Variants in ABCC9 observed in about 807,000 individuals in gnomAD.
ABCC9 encodes ATP binding cassette subfamily C member 9, also known as ATP-binding cassette sub-family C member 9.
In ABCC9, 95 loss-of-function variants were observed where a neutral mutation model predicts 188.3. The ratio of observed to expected loss-of-function variants is 0.50; its 90% CI spans 0.43 to 0.60. The LOEUF is 0.60. Ranked by LOEUF, ABCC9 falls within the 20% of genes least tolerant of loss-of-function variation. The pLI, the probability that ABCC9 is intolerant of heterozygous loss-of-function variation, is 0.00. For missense variants in ABCC9, 1,102 were observed against 1,876.3 expected, an observed-to-expected ratio of 0.59 and a Z score of 7.62; for synonymous variants, 659 against 652.7, an observed-to-expected ratio of 1.01 and a Z score of -0.15.
At chr12:21,915,514 A>ATATATATATATATTTTTTTTTTTTTTTT in intron 7 of ABCC9, among the ~76,000 whole-genome samples, 154 bp downstream of exon 7, 2 of 3,522 alleles carry the variant, frequency 5.7e-4, no homozygotes, top group African/African-American at 2.2e-3. Context: ...ATATATATAT[A>ATATATATATATATTTTTTTTTTTTTTTT]TTTTTTTTTT....
intron 31 of ABCC9, among the ~76,000 whole-genome samples, chr12:21,825,704 G>A (rs1363910234): frequency 6.6e-6 from 1 of 152,090 alleles, no homozygotes; most frequent in Admixed American, 6.6e-5. Flanking sequence ...ATCACGGGTT[G>A]ATGGGTGCAG....
chr12:21,824,305 G>A (rs1943235795), intron 31 of ABCC9, among the ~76,000 whole-genome samples: 3 of 152,076 alleles, frequency 2.0e-5, no homozygotes, highest in South Asian at 2.1e-4. Context: ...ATTGATTTGC[G>A]TATGTTGAAC....
In ABCC9 at chr12:21,933,776, A is replaced by G. The variant is rs1277936424; in HGVS notation, c.284+6T>C. 6.2e-7 allele frequency: 1 copy of G among 1,613,444 alleles called. No homozygotes were observed. The highest frequency in any genetic ancestry group is 1.3e-5 in the African/African-American group (1 of 75,018). ...GCAGTGGTATTATTTAACTTAGATC[A>G]CTTACGAGTCTGAAACAATGCCTTC... On this transcript the variant is annotated splice_donor_region_variant and intron_variant, in intron 4 of 39. Transcript: ENST00000261200.
chr12:21,919,545 T>A (rs1948725494), intron 5 of ABCC9, among the ~76,000 whole-genome samples: 1 of 151,944 alleles, frequency 6.6e-6, no homozygotes, highest in Admixed American at 6.6e-5. Flanking sequence ...TAAATTATAA[T>A]AAAATTTAGA....
Position 21,901,298 on chromosome 12 carries a change from A to G in ABCC9, c.1618+4828T>C, listed in dbSNP as rs1235712235. On this transcript the variant is annotated intron_variant, in intron 12 of 39. Transcript: ENST00000261200. ...CAGACCTGCCCTACAAGAGCTCCTGAAGGAAGCAATAAACATGGAAGGGAA... is the reference window on the plus strand; with the variant it reads ...CAGACCTGCCCTACAAGAGCTCCTGGAGGAAGCAATAAACATGGAAGGGAA... Among the ~76,000 whole-genome samples the G allele has an allele frequency of 2.0e-5, 3 of 152,224 alleles. No individual in the cohort carries two copies. The East Asian group carries it at 5.8e-4, about 29-fold the overall frequency.
intron 31 of ABCC9, chr12:21,827,075 A>G: frequency 1.0e-6 from 1 of 975,118 alleles, no homozygotes; most frequent in Non-Finnish European, 1.2e-6. Flanking sequence ...TACAGAGTCT[A>G]TTATATTTAG....
At chr12:21,893,885 C>T in intron 14 of ABCC9, 147 bp downstream of exon 14, 1 of 808,908 alleles carries the variant, frequency 1.2e-6, no homozygotes, top group Non-Finnish European at 1.8e-6. Context: ...AAATAAAAGA[C>T]TGAAAAGTAG....
chr12:21,928,532 A>T (rs1361551524), intron 4 of ABCC9, among the ~76,000 whole-genome samples: 1 of 152,038 alleles, frequency 6.6e-6, no homozygotes, highest in Non-Finnish European at 1.5e-5. Flanking sequence ...AAGTGAGCAC[A>T]CTCCCTATCC....
At chr12:21,809,097 CTA>C (rs1942054393) in intron 37 of ABCC9, among the ~76,000 whole-genome samples, 1 of 152,100 alleles carries the variant, frequency 6.6e-6, no homozygotes, top group South Asian at 2.1e-4. Flanking sequence ...ATATCAATAA[CTA>C]TTATCTTTCC....
At chr12:21,866,464 T>C (rs1046849743) in intron 18 of ABCC9, among the ~76,000 whole-genome samples, 2 of 150,016 alleles carry the variant, frequency 1.3e-5, no homozygotes, top group Non-Finnish European at 3.0e-5. Context: ...TTCTTCCTAG[T>C]CTTTATAAAA....
Position 21,906,129 on chromosome 12 carries a change from A to T in ABCC9, c.1615T>A (p.Ser539Thr). 1 of 1,612,864 alleles carries T rather than the reference A, an allele frequency of 6.2e-7. No homozygotes were observed. Among genetic ancestry groups the T allele is most frequent in the Non-Finnish European group, 8.5e-7 (1 of 1,179,096 alleles). Residue 539 changes from serine (S) to threonine (T), a missense_variant, in exon 12 of 40, where the codon TCC becomes ACC. Ser to Thr is a moderately conservative substitution (Grantham distance 58). This residue lies in a region of ABCC9 where 258 missense variants were observed against 325.6 expected (regional missense o/e 0.79). Transcript: ENST00000261200. ...TCTTAGAGCAACAGCAACTTACTGG[A>T]GAGTGATGTATATAGTGCAAAGGTT... Reference protein sequence around the residue: ...LKTFALYTSLSIFMNAAIPIA... With the variant: ...LKTFALYTSLTIFMNAAIPIA...
intron 22 of ABCC9, among the ~76,000 whole-genome samples, chr12:21,855,561 A>C (rs1213927635): frequency 6.6e-6 from 1 of 152,136 alleles, no homozygotes. Context: ...GTAAGGCATA[A>C]TTGAAAGTCC....
chr12:21,854,074 A>G (rs1450131964), intron 22 of ABCC9, among the ~76,000 whole-genome samples: 1 of 152,222 alleles, frequency 6.6e-6, no homozygotes, highest in Non-Finnish European at 1.5e-5. Context: ...ACATGTTGAG[A>G]TATCTAAAAA....
At position 21,931,939 on chromosome 12, in the gene ABCC9, C is replaced by A. The variant is rs190019259; in HGVS notation, c.284+1843G>T. Among the ~76,000 whole-genome samples the A allele has an allele frequency of 1.2e-4, 19 of 152,178 alleles. No individual in the cohort carries two copies. The East Asian group carries it at 3.1e-3, about 25-fold the overall frequency. On this transcript the variant is annotated intron_variant, in intron 4 of 39. Coordinates refer to ENST00000261200, the MANE Select transcript of ABCC9 (RefSeq NM_020297.4). Reference sequence around the variant, plus strand: ...ATACCTGCGAAAAGCCCTCATAAAACATTACAAAATAGTTGGTTCCATGAC... The same window carrying A: ...ATACCTGCGAAAAGCCCTCATAAAAAATTACAAAATAGTTGGTTCCATGAC...
intron 5 of ABCC9, among the ~76,000 whole-genome samples, chr12:21,917,950 A>T (rs1388827870): frequency 1.3e-5 from 2 of 152,144 alleles, no homozygotes; most frequent in Non-Finnish European, 2.9e-5. Flanking sequence ...TCACTTCATT[A>T]GTGAAAAATA....
At chr12:21,901,528 T>C (rs61921497) in intron 12 of ABCC9, among the ~76,000 whole-genome samples, 8 of 151,766 alleles carry the variant, frequency 5.3e-5, no homozygotes, top group African/African-American at 1.9e-4. Context: ...TAAAGAGTCA[T>C]GACCCATCAG....
At chr12:21,836,905 G>T (rs1467060562) in intron 30 of ABCC9, among the ~76,000 whole-genome samples, 3 of 152,140 alleles carry the variant, frequency 2.0e-5, no homozygotes, top group South Asian at 2.1e-4. Flanking sequence ...AGGACAACAT[G>T]GCAGGTGTAT....
At chr12:21,873,735 G>A (rs537370603) in intron 17 of ABCC9, among the ~76,000 whole-genome samples, 1 of 152,222 alleles carries the variant, frequency 6.6e-6, no homozygotes, top group Admixed American at 6.5e-5. Flanking sequence ...CAATGGAACA[G>A]AAGGGAGAGA....
intron 30 of ABCC9, among the ~76,000 whole-genome samples, chr12:21,829,896 T>C (rs1205673459): frequency 6.6e-6 from 1 of 152,218 alleles, no homozygotes; most frequent in African/African-American, 2.4e-5. Flanking sequence ...ATTATCTTTT[T>C]GCCTAATATT....
Sources: allele counts gnomAD v4.1 joint callset (sites outside exome capture counted in the v4.1 genomes callset), GRCh38; gene constraint gnomAD v4.1.1; regional missense constraint gnomAD v4.1.1; transcripts MANE v1.5; gene names NCBI Gene and HGNC (gene_info 2026-07-23, HGNC 2026-07-21).